ADAMTS7: variants seen among roughly 807,000 people sequenced by gnomAD.
ADAMTS7 encodes the protein A disintegrin and metalloproteinase with thrombospondin motifs 7.
A neutral mutation model predicts 172.6 loss-of-function variants in ADAMTS7; 89 were observed. That is an observed-to-expected ratio of 0.52 (90% confidence interval 0.43 to 0.61). ADAMTS7 has a LOEUF of 0.61. Among genes scored for constraint, ADAMTS7 ranks in the 20% least tolerant of loss-of-function variants. The probability of loss-of-function intolerance (pLI) is 0.00; values close to 1 mark genes in which losing one functional copy is unlikely to be tolerated. For synonymous variants in ADAMTS7, 885 were observed against 978.4 expected, an observed-to-expected ratio of 0.90 and a Z score of 1.78; for missense variants, 1,973 against 2,355.6, an observed-to-expected ratio of 0.84 and a Z score of 3.36.
At chr15:78,794,709 T>C (rs1241104255) in intron 4 of ADAMTS7, among the ~76,000 whole-genome samples, 4 of 152,092 alleles carry the variant, frequency 2.6e-5, no homozygotes, top group Non-Finnish European at 5.9e-5. Flanking sequence ...GGGCAGGTCT[T>C]TTTTTGTTTT....
chr15:78,766,504 T>A lies in ADAMTS7; in HGVS notation c.3407A>T (p.Gln1136Leu). ...GPWSPSPWPS[Q>L]AGRSPPPPSE... ...GGGTGGGGGTGGGGAGCGGCCGGCC[T>A]GGCTAGGCCAAGGGCTCGGGGACCA... is the stretch of plus-strand genomic sequence containing the variant. Residue 1136 changes from glutamine (Q) to leucine (L), a missense_variant, in exon 19 of 24, where the codon CAG (glutamine) becomes CTG (leucine). Physicochemically the swap from Gln to Leu is moderately radical, Grantham distance 113. This residue lies in a region of ADAMTS7 where 771 missense variants were observed against 952.6 expected (regional missense o/e 0.81). Transcript: ENST00000388820. The A allele has an allele frequency of 6.4e-7, 1 of 1,550,446 alleles. No individual in the cohort carries two copies. Among genetic ancestry groups the A allele is most frequent in the Non-Finnish European group, 8.7e-7 (1 of 1,143,072 alleles).
intron 23 of ADAMTS7, among the ~76,000 whole-genome samples, chr15:78,760,168 C>G (rs145339333): frequency 1.3e-5 from 2 of 151,320 alleles, no homozygotes; most frequent in Non-Finnish European, 2.9e-5. Flanking sequence ...CCTTACAGGC[C>G]GTCAGCGGAA....
rs762184311 is a variant in ADAMTS7, at chr15:78,782,118, A to G, written c.1323-4530T>C. ...GTGATCTTGGCTCACTGCAACCTCC[A>G]CCTCCCAGGTTCAAGCAATTCTCCT... On this transcript the variant is annotated intron_variant, in intron 8 of 23. Coordinates refer to ENST00000388820, the MANE Select transcript of ADAMTS7 (RefSeq NM_014272.5). Among the ~76,000 whole-genome samples, 6 of 150,338 alleles carry G rather than the reference A, an allele frequency of 4.0e-5. No homozygotes were observed. In the East Asian group the frequency reaches 7.8e-4, roughly 20 times the overall value.
intron 3 of ADAMTS7, 58 bp from the exon 4 acceptor site, chr15:78,796,844 T>A: frequency 6.9e-7 from 1 of 1,452,662 alleles, no homozygotes; most frequent in Non-Finnish European, 9.3e-7. Flanking sequence ...GGCACACGTC[T>A]CCAGGGCCTC....
intron 2 of ADAMTS7, among the ~76,000 whole-genome samples, chr15:78,798,718 G>A (rs191466446): frequency 1.1e-3 from 172 of 152,276 alleles, no homozygotes; most frequent in African/African-American, 3.7e-3. Flanking sequence ...ATGTCCGCCA[G>A]CATTCAGAGT....
intron 4 of ADAMTS7, among the ~76,000 whole-genome samples, chr15:78,796,121 A>G (rs1343038030): frequency 6.6e-6 from 1 of 152,192 alleles, no homozygotes. Context: ...GTGACCATAG[A>G]ACTGCACAGA....
Position 78,796,732 on chromosome 15 carries a change from C to T in ADAMTS7, c.677G>A (p.Arg226Gln), listed in dbSNP as rs61752773. 29,117 of 1,611,878 alleles carry T rather than the reference C, an allele frequency of 0.018. 312 individuals carry two copies. Among genetic ancestry groups the T allele is most frequent in the Non-Finnish European group, 0.021 (24,701 of 1,179,778 alleles). The change falls in exon 4 of 24, where the codon CGG becomes CAG. Residue 226 changes from arginine (R) to glutamine (Q), a missense_variant. By Grantham distance (43) the Arg-to-Gln change is conservative. Coordinates refer to ENST00000388820, the MANE Select transcript of ADAMTS7 (RefSeq NM_014272.5). ...RERWEQRQQW[R>Q]RPRLRRLHQR... ...GTGTAGACGCCTCAGCCGTGGCCGCCGCCACTGCTGCCGCTGCTCCCAACG... is the reference window on the plus strand; with the variant it reads ...GTGTAGACGCCTCAGCCGTGGCCGCTGCCACTGCTGCCGCTGCTCCCAACG...
chr15:78,786,795 A>C (rs1177722247), intron 8 of ADAMTS7, among the ~76,000 whole-genome samples: 1 of 152,214 alleles, frequency 6.6e-6, no homozygotes, highest in Non-Finnish European at 1.5e-5. Context: ...GACTCTGCAT[A>C]CAAGTTAATA....
chr15:78,798,216 C>T (rs2055672539), intron 2 of ADAMTS7, 103 bp from the exon 3 acceptor site: 12 of 1,196,754 alleles, frequency 1.0e-5, no homozygotes, highest in South Asian at 1.7e-5. Context: ...CCACTGCCCA[C>T]ACCACCTGTG....
intron 1 of ADAMTS7, among the ~76,000 whole-genome samples, chr15:78,804,460 C>T (rs2055763615): frequency 1.3e-5 from 2 of 152,146 alleles, no homozygotes; most frequent in Admixed American, 1.3e-4. Context: ...TGGCTGTTCA[C>T]GACAATAGAC....
intron 23 of ADAMTS7, among the ~76,000 whole-genome samples, chr15:78,760,173 G>C (rs1209939179): frequency 6.6e-6 from 1 of 152,104 alleles, no homozygotes; most frequent in Non-Finnish European, 1.5e-5. Context: ...CAGGCCGTCA[G>C]CGGAAACCAG....
intron 23 of ADAMTS7, among the ~76,000 whole-genome samples, chr15:78,761,382 C>A (rs2055040516): frequency 6.6e-6 from 1 of 152,232 alleles, no homozygotes; most frequent in Admixed American, 6.5e-5. Context: ...CACAGCTCTT[C>A]ACGCCACGGC....
chr15:78,776,673 C>T, intron 10 of ADAMTS7, 76 bp downstream of exon 10: 1 of 1,402,006 alleles, frequency 7.1e-7, no homozygotes, highest in East Asian at 2.5e-5. Context: ...TGAGCCGGGG[C>T]TGACCCCAGG....
intron 11 of ADAMTS7, 83 bp downstream of exon 11, chr15:78,776,105 G>C: frequency 1.4e-6 from 2 of 1,478,412 alleles, no homozygotes; most frequent in African/African-American, 1.4e-5. Context: ...CAGGGGCTGG[G>C]ACAGAGCCAA....
intron 10 of ADAMTS7, 24 bp from the exon 11 acceptor site, chr15:78,776,357 G>T (rs377248006): frequency 6.2e-7 from 1 of 1,603,354 alleles, no homozygotes; most frequent in East Asian, 2.2e-5. Context: ...CGGAGGTAGA[G>T]CCACCCCACC....
rs764794056 is a variant in ADAMTS7, at chr15:78,767,552, C to T, written c.2686G>A (p.Gly896Arg). 8.3e-6 allele frequency: 13 copies of T among 1,568,540 alleles called. No homozygotes were observed. Among genetic ancestry groups the T allele is most frequent in the Middle Eastern group, 2.3e-4 (1 of 4,396 alleles). Residue 896 changes from glycine (G) to arginine (R), a missense_variant, in exon 18 of 24, where the codon GGG (glycine) becomes AGG (arginine). This residue lies in a region of ADAMTS7 where 771 missense variants were observed against 952.6 expected (regional missense o/e 0.81). Coordinates refer to ENST00000388820, the MANE Select transcript of ADAMTS7 (RefSeq NM_014272.5). ...GCCCGGCGGGAGAGGCCCCCAGGCC[C>T]GCAGGAGCTGGAGCACAGCTGCCAC... ...GEWQLCSSSC[G>R]PGGLSRRAVL... is the part of the protein sequence containing the mutation.
chr15:78,784,376 C>CAGAGAG (rs1265112821), intron 8 of ADAMTS7, among the ~76,000 whole-genome samples: 1 of 99,992 alleles, frequency 1.0e-5, no homozygotes, highest in Non-Finnish European at 1.8e-5. Flanking sequence ...GAAAGAAAGA[C>CAGAGAG]AGAGAGAGAG....
rs371317043 is a variant in ADAMTS7, at chr15:78,764,004, G to C, written c.4515C>G (p.Pro1505=). The C allele has an allele frequency of 6.5e-7, 1 of 1,543,598 alleles. No homozygotes were observed. Among genetic ancestry groups the C allele is most frequent in the South Asian group, 1.2e-5 (1 of 83,004 alleles). Reference sequence around the variant, plus strand: ...GGTGCGCAGGCGGCTTGGCAGGCCCGGGCTGACAATGGAAGGGCCGCAGTG... The same window carrying C: ...GGTGCGCAGGCGGCTTGGCAGGCCCCGGCTGACAATGGAAGGGCCGCAGTG... ...LRPLRPFHCQ[P]GPAKPPAHRP... Residue 1505 remains proline (P), a synonymous_variant, in exon 21 of 24, where the codon CCC becomes CCG. Coordinates refer to ENST00000388820, the MANE Select transcript of ADAMTS7 (RefSeq NM_014272.5).
chr15:78,759,720 G>C, intron 23 of ADAMTS7, 142 bp from the exon 24 acceptor site: 1 of 1,086,006 alleles, frequency 9.2e-7, no homozygotes, highest in East Asian at 2.9e-5. Flanking sequence ...CTCCCGAACC[G>C]GAGTTGCAGG....
Sources: gnomAD v4.1 joint callset for allele counts (sites outside exome capture counted in the v4.1 genomes callset) on GRCh38, gnomAD v4.1.1 for gene constraint, gnomAD v4.1.1 regional missense constraint, MANE v1.5 for transcripts, NCBI Gene and HGNC (gene_info 2026-07-23, HGNC 2026-07-21) for gene names.